SERPINA1: variants seen among roughly 807,000 people sequenced by gnomAD.
SERPINA1 encodes serpin family A member 1.
A neutral mutation model predicts 25.4 loss-of-function variants in SERPINA1; 21 were observed. The observed-to-expected ratio is 0.83, with a 90% CI of 0.59 to 1.19. SERPINA1 has a LOEUF of 1.19. Ranked by LOEUF, SERPINA1 falls within the 50% of genes most tolerant of loss-of-function variation. The probability of loss-of-function intolerance (pLI) is 0.00; values close to 1 mark genes in which losing one functional copy is unlikely to be tolerated. For missense variants in SERPINA1, 546 were observed against 509.0 expected (o/e 1.07, Z -0.70); for synonymous variants, 218 against 211.1 (o/e 1.03, Z -0.29).
intron 1 of SERPINA1, among the ~76,000 whole-genome samples, chr14:94,387,802 G>C (rs1165470200): frequency 6.6e-6 from 1 of 152,116 alleles, no homozygotes; most frequent in East Asian, 1.9e-4. Flanking sequence ...CTGTAAAATG[G>C]GAATCACACT....
intron 3 of SERPINA1, among the ~76,000 whole-genome samples, chr14:94,380,402 G>A (rs1055974742): frequency 2.0e-5 from 3 of 152,188 alleles, no homozygotes; most frequent in African/African-American, 7.2e-5. Flanking sequence ...CTGCGAACAT[G>A]GCCTGGCTGT....
chr14:94,387,916 A>G (rs184052296), intron 1 of SERPINA1, among the ~76,000 whole-genome samples: 2 of 152,236 alleles, frequency 1.3e-5, no homozygotes, highest in East Asian at 3.9e-4. Context: ...CCTGGGTGAC[A>G]GTGCCCCTCA....
chr14:94,382,497 A>G, intron 2 of SERPINA1, 95 bp downstream of exon 2: 1 of 1,442,178 alleles, frequency 6.9e-7, no homozygotes, highest in African/African-American at 1.4e-5. Flanking sequence ...GCTATGGCCC[A>G]TAATGCATTG....
At chr14:94,384,743 AG>A (rs1336371145) in intron 1 of SERPINA1, among the ~76,000 whole-genome samples, 10 of 152,216 alleles carry the variant, frequency 6.6e-5, no homozygotes, top group African/African-American at 2.4e-4. Flanking sequence ...ACAAAGAAAA[AG>A]GTGTCCTTGA....
At position 94,376,893 on chromosome 14, in the gene SERPINA1, A is replaced by T. The variant is rs923627941; in HGVS notation, c.*1556T>A. ...TTTGGCGACTTCACGAAGGTCACAC[A>T]GCTGTCAGGGGGAAAAGTCAGAACT... is the stretch of plus-strand genomic sequence containing the variant. On this transcript the variant is annotated 3_prime_UTR_variant, in exon 5 of 5. Transcript: ENST00000393087. 1 of 152,270 alleles carries T rather than the reference A, an allele frequency of 6.6e-6. No individual in the cohort carries two copies. Among genetic ancestry groups the T allele is most frequent in the African/African-American group, 2.4e-5 (1 of 41,460 alleles). The allele number at this position is 152,270 out of a possible 1,614,324, so 9.4% of individuals were successfully genotyped here.
rs147674465 is a variant in SERPINA1, at chr14:94,380,659, C to T, written c.917+212G>A. On this transcript the variant is annotated intron_variant, in intron 3 of 4. Transcript: ENST00000393087. ...AGGGACGAGACCTTTACCTCCTCACCCCTGGGTACTGTCCTCCTCATGGAG... is the reference window on the plus strand; with the variant it reads ...AGGGACGAGACCTTTACCTCCTCACTCCTGGGTACTGTCCTCCTCATGGAG... 1.6e-3 allele frequency: 999 copies of T among 637,798 alleles called. 7 individuals carry two copies. Among genetic ancestry groups the T allele is most frequent in the South Asian group, 7.2e-3 (387 of 53,676 alleles). 39.5% of individuals were successfully genotyped at this position (637,798 alleles called of 1,614,324 possible).
chr14:94,377,796 GA>G lies in SERPINA1; in HGVS notation c.*652del, dbSNP rs1896468709. 6.5e-6 allele frequency: 1 copy of G among 154,028 alleles called. No individual in the cohort carries two copies. Among genetic ancestry groups the G allele is most frequent in the African/African-American group, 2.4e-5 (1 of 41,444 alleles). 9.5% of individuals were successfully genotyped at this position (154,028 alleles called of 1,614,324 possible). A position where few individuals can be genotyped will look rare whatever the true frequency, so the allele number is the denominator to read the frequency against. ...GAATAGGTGTCCTTGTTGCCCCATGGAGAATGGGCTTCAGGAAGAATCTGCC... is the reference window on the plus strand; with the variant it reads ...GAATAGGTGTCCTTGTTGCCCCATGGGAATGGGCTTCAGGAAGAATCTGCC... On this transcript the variant is annotated 3_prime_UTR_variant, in exon 5 of 5. Coordinates refer to ENST00000393087, the MANE Select transcript of SERPINA1 (RefSeq NM_000295.5).
chr14:94,387,983 G>A (rs907666364), intron 1 of SERPINA1, among the ~76,000 whole-genome samples: 2 of 152,182 alleles, frequency 1.3e-5, no homozygotes, highest in East Asian at 3.9e-4. Flanking sequence ...TGCATGGGGA[G>A]GCCCATTTTG....
chr14:94,381,048 C>T lies in SERPINA1; in HGVS notation c.740G>A (p.Arg247His), dbSNP rs544632177. Residue 247 changes from arginine to histidine, a missense_variant, in exon 3 of 5, where the codon CGT becomes CAT. Transcript: ENST00000393087. ...VTTVKVPMMK[R>H]LGMFNIQHCK... ...GTGCTGGATGTTAAACATGCCTAAA[C>T]GCTTCATCATAGGCACCTTCACGGT... is the stretch of plus-strand genomic sequence containing the variant. The T allele has an allele frequency of 9.6e-5, 155 of 1,614,038 alleles. 2 individuals carry two copies. The South Asian group carries it at 1.2e-3, about 13-fold the overall frequency.
At position 94,379,616 on chromosome 14, in the gene SERPINA1, C is replaced by T. The variant is rs375378877; in HGVS notation, c.918-5G>A. On this transcript the variant is annotated splice_polypyrimidine_tract_variant and splice_region_variant and intron_variant, in intron 3 of 4. Coordinates refer to ENST00000393087, the MANE Select transcript of SERPINA1 (RefSeq NM_000295.5). ...GGTAAATGTAAGCTGGCAGACCTGT[C>T]GTGCAGAAAAGAAATTCAAGGCATG... 35 of 1,614,030 alleles carry T rather than the reference C, an allele frequency of 2.2e-5. No homozygotes were observed. Among genetic ancestry groups the T allele is most frequent in the African/African-American group, 1.5e-4 (11 of 74,926 alleles).
chr14:94,380,713 T>A (rs2139680699), intron 3 of SERPINA1, 158 bp downstream of exon 3: 1 of 879,584 alleles, frequency 1.1e-6, no homozygotes, highest in Non-Finnish European at 1.9e-6. Context: ...AACTCAGTGG[T>A]GGCCTCATTC....
chr14:94,379,505 G>A lies in SERPINA1; in HGVS notation c.1024C>T (p.Leu342Phe). 6.2e-7 allele frequency: 1 copy of A among 1,614,212 alleles called. No individual in the cohort carries two copies. Among genetic ancestry groups the A allele is most frequent in the Non-Finnish European group, 8.5e-7 (1 of 1,180,038 alleles). ...ITKVFSNGADLSGVTEEAPLK... is the reference protein window; with the variant it reads ...ITKVFSNGADFSGVTEEAPLK... ...GGTGCCTCCTCTGTGACCCCGGAGA[G>A]GTCAGCCCCATTGCTGAAGACCTTA... Residue 342 changes from leucine (L) to phenylalanine (F), a missense_variant, in exon 4 of 5, where the codon CTC becomes TTC. Transcript: ENST00000393087.
intron 1 of SERPINA1, among the ~76,000 whole-genome samples, chr14:94,387,475 G>A (rs1430552029): frequency 6.6e-6 from 1 of 152,192 alleles, no homozygotes; most frequent in Admixed American, 6.5e-5. Flanking sequence ...CTCAGTGCAG[G>A]AAAAATTAAA....
chr14:94,378,487 G>C lies in SERPINA1; in HGVS notation c.1219C>G (p.Leu407Val), dbSNP rs1896527464. 6 of 1,614,160 alleles carry C rather than the reference G, an allele frequency of 3.7e-6. No homozygotes were observed. The highest frequency in any genetic ancestry group is 4.2e-6 in the Non-Finnish European group (5 of 1,180,026). Residue 407 changes from leucine (L) to valine (V), a missense_variant, in exon 5 of 5, where the codon CTC becomes GTC. Transcript: ENST00000393087. Reference sequence around the variant, plus strand: ...GGATTCACCACTTTTCCCATGAAGAGGGGAGACTTGGTATTTTGTTCAATC... The same window carrying C: ...GGATTCACCACTTTTCCCATGAAGACGGGAGACTTGGTATTTTGTTCAATC... ...LMIEQNTKSP[L>V]FMGKVVNPTQ...
chr14:94,380,642 G>C, intron 3 of SERPINA1: 1 of 601,420 alleles, frequency 1.7e-6, no homozygotes, highest in Non-Finnish European at 3.0e-6. Context: ...CCAGGGACGA[G>C]ACCTTTACCT....
chr14:94,379,430 C>T, intron 4 of SERPINA1, 34 bp downstream of exon 4: 2 of 1,613,600 alleles, frequency 1.2e-6, no homozygotes, highest in Non-Finnish European at 1.7e-6. Flanking sequence ...CCTACAGATA[C>T]CAGGGTGCAA....
chr14:94,385,191 GGCTTCTA>G (rs1897209739), intron 1 of SERPINA1, among the ~76,000 whole-genome samples: 1 of 152,218 alleles, frequency 6.6e-6, no homozygotes, highest in South Asian at 2.1e-4. Context: ...CAGAGGTTGT[GGCTTCTA>G]GCCCTGGCAG....
chr14:94,386,617 C>T (rs1025719899), intron 1 of SERPINA1, among the ~76,000 whole-genome samples: 5 of 152,032 alleles, frequency 3.3e-5, no homozygotes, highest in African/African-American at 1.2e-4. Context: ...GTGAGGAAGC[C>T]CTCCCTGTAC....
chr14:94,383,008 G>A lies in SERPINA1; in HGVS notation c.230C>T (p.Ser77Phe), dbSNP rs55819880. The change falls in exon 2 of 5, where the codon TCC becomes TTC. Residue 77 changes from serine (S) to phenylalanine (F), a missense_variant. By Grantham distance (155) the Ser-to-Phe change is radical. Coordinates refer to ENST00000393087, the MANE Select transcript of SERPINA1 (RefSeq NM_000295.5). Reference protein sequence around the residue: ...HQSNSTNIFFSPVSIATAFAM... With the variant: ...HQSNSTNIFFFPVSIATAFAM... ...AAAGGCTGTAGCGATGCTCACTGGG[G>A]AGAAGAAGATATTGGTGCTGTTGGA... 1.2e-6 allele frequency: 2 copies of A among 1,610,444 alleles called. No individual in the cohort carries two copies. The highest frequency in any genetic ancestry group is 4.5e-5 in the East Asian group (2 of 44,776).
Sources: gnomAD v4.1 joint callset for allele counts (sites outside exome capture counted in the v4.1 genomes callset) on GRCh38, gnomAD v4.1.1 for gene constraint, MANE v1.5 for transcripts, NCBI Gene and HGNC (gene_info 2026-07-23, HGNC 2026-07-21) for gene names.